The following CMSS1 variants were observed in gnomAD, a reference collection of about 807,000 sequenced individuals.
CMSS1 encodes cms1 ribosomal small subunit homolog.
In CMSS1, 33 loss-of-function variants were observed where a neutral mutation model predicts 43.5. That is an observed-to-expected ratio of 0.76 (90% confidence interval 0.57 to 1.01). The LOEUF (loss-of-function observed/expected upper bound fraction) is 1.01, where lower values mean the gene tolerates loss of function less well. CMSS1 is among the 50% of genes least tolerant of loss of function. CMSS1 has a pLI of 0.00. For synonymous variants in CMSS1, 115 were observed against 117.2 expected (o/e 0.98, Z 0.12); for missense variants, 313 against 326.4 (o/e 0.96, Z 0.32).
chr3:99,971,513 G>A (rs1443467619), intron 1 of CMSS1, among the ~76,000 whole-genome samples: 1 of 152,198 alleles, frequency 6.6e-6, no homozygotes, highest in Admixed American at 6.5e-5. Flanking sequence ...GGTCTCACAG[G>A]AGATGCAGAT....
At chr3:100,158,663 A>G (rs942174408) in intron 2 of CMSS1, among the ~76,000 whole-genome samples, 2 of 152,246 alleles carry the variant, frequency 1.3e-5, no homozygotes, top group African/African-American at 4.8e-5. Flanking sequence ...ATTTGAACCT[A>G]TCATTTAACT....
chr3:100,166,375 T>C lies in CMSS1; in HGVS notation c.396T>C (p.Leu132=). Residue 132 remains leucine, a synonymous_variant, in exon 5 of 10, where the codon CTT becomes CTC. Transcript: ENST00000421999. Reference sequence around the variant, plus strand: ...AGGCCAATGATTTGACTCACAGTCTTTCCTCATACCTAAAAGAAAGTAAGT... The same window carrying C: ...AGGCCAATGATTTGACTCACAGTCTCTCCTCATACCTAAAAGAAAGTAAGT... The part of the protein sequence containing the change: ...FLKANDLTHS[L]SSYLKEICPK... The C allele has an allele frequency of 6.3e-7, 1 of 1,589,806 alleles. No homozygotes were observed. Among genetic ancestry groups the C allele is most frequent in the Non-Finnish European group, 8.6e-7 (1 of 1,158,354 alleles).
intron 1 of CMSS1, among the ~76,000 whole-genome samples, chr3:99,982,178 A>G (rs928012252): frequency 3.9e-5 from 6 of 152,078 alleles, no homozygotes; most frequent in Admixed American, 2.0e-4. Flanking sequence ...GTATTTTAGT[A>G]TATGTTTTTT....
chr3:99,903,506 T>C (rs1706510172), intron 1 of CMSS1, among the ~76,000 whole-genome samples: 1 of 152,116 alleles, frequency 6.6e-6, no homozygotes, highest in Admixed American at 6.5e-5. Flanking sequence ...TGCCTCGGCC[T>C]CCCAAAGTGC....
intron 1 of CMSS1, among the ~76,000 whole-genome samples, chr3:100,107,971 T>A (rs1454352573): frequency 6.6e-6 from 1 of 151,840 alleles, no homozygotes; most frequent in East Asian, 1.9e-4. Flanking sequence ...GTCAAGAAAA[T>A]TTCTGGTTTA....
chr3:99,863,626 T>C (rs2107561989), intron 1 of CMSS1, among the ~76,000 whole-genome samples: 1 of 152,346 alleles, frequency 6.6e-6, no homozygotes, highest in South Asian at 2.1e-4. Flanking sequence ...TTTCAGTCTA[T>C]TTTGTGTACT....
At chr3:100,054,190 G>A (rs1213199287) in intron 1 of CMSS1, among the ~76,000 whole-genome samples, 1 of 152,162 alleles carries the variant, frequency 6.6e-6, no homozygotes, top group Admixed American at 6.5e-5. Context: ...TGTGAAGGAG[G>A]TTCAGAGCAA....
chr3:100,002,574 G>T (rs568938735), intron 1 of CMSS1, among the ~76,000 whole-genome samples: 1 of 152,192 alleles, frequency 6.6e-6, no homozygotes, highest in African/African-American at 2.4e-5. Context: ...CTGATAAAAA[G>T]TAAAGCTGAT....
At chr3:99,849,926 T>C in intron 1 of CMSS1, 1 of 1,612,912 alleles carries the variant, frequency 6.2e-7, no homozygotes, top group Non-Finnish European at 8.5e-7. Flanking sequence ...ATATTAACTC[T>C]TGACAGGAGA....
intron 1 of CMSS1, among the ~76,000 whole-genome samples, chr3:99,824,127 TGACCA>T (rs1942492657): frequency 6.6e-6 from 1 of 152,064 alleles, no homozygotes; most frequent in South Asian, 2.1e-4. Flanking sequence ...TTCACCATGT[TGACCA>T]GGCTGATCTC....
At chr3:99,971,064 G>T (rs183543772) in intron 1 of CMSS1, among the ~76,000 whole-genome samples, 27 of 152,286 alleles carry the variant, frequency 1.8e-4, no homozygotes, top group South Asian at 8.3e-4. Flanking sequence ...GGGGCTGGGC[G>T]TGGTGGCTCA....
chr3:99,884,327 A>G (rs1467552254), intron 1 of CMSS1, among the ~76,000 whole-genome samples: 30 of 152,244 alleles, frequency 2.0e-4, no homozygotes, highest in Non-Finnish European at 1.5e-5. Flanking sequence ...AATAGAAAGT[A>G]CATGGAAAAG....
intron 1 of CMSS1, among the ~76,000 whole-genome samples, chr3:100,047,309 A>C (rs747048433): frequency 2.0e-4 from 31 of 152,244 alleles, no homozygotes; most frequent in Non-Finnish European, 3.8e-4. Context: ...CTTGAAGAAA[A>C]GGTGCTTCCA....
chr3:100,016,837 G>A (rs1034982158), intron 1 of CMSS1, among the ~76,000 whole-genome samples: 3 of 152,210 alleles, frequency 2.0e-5, no homozygotes, highest in African/African-American at 7.2e-5. Context: ...AGGAACAGAT[G>A]CAGATTTCAT....
At chr3:99,877,648 T>C (rs529568506) in intron 1 of CMSS1, among the ~76,000 whole-genome samples, 2 of 152,346 alleles carry the variant, frequency 1.3e-5, no homozygotes, top group South Asian at 4.1e-4. Context: ...GTTGAGTTTG[T>C]AGTTTTGTTG....
intron 1 of CMSS1, among the ~76,000 whole-genome samples, chr3:99,949,732 G>A (rs2107686929): frequency 6.6e-6 from 1 of 152,250 alleles, no homozygotes; most frequent in Non-Finnish European, 1.5e-5. Context: ...ATTTGTAGTG[G>A]TTCTTTTAGC....
chr3:99,831,993 C>T (rs945374372), intron 1 of CMSS1, among the ~76,000 whole-genome samples: 1 of 152,146 alleles, frequency 6.6e-6, no homozygotes, highest in Non-Finnish European at 1.5e-5. Context: ...TGGTGGAGCT[C>T]GTTTCTTTTG....
At chr3:99,978,112 T>C (rs1204971579) in intron 1 of CMSS1, among the ~76,000 whole-genome samples, 1 of 152,216 alleles carries the variant, frequency 6.6e-6, no homozygotes, top group African/African-American at 2.4e-5. Flanking sequence ...GAAAGTATTA[T>C]AAATAAAATT....
intron 1 of CMSS1, among the ~76,000 whole-genome samples, chr3:99,825,753 C>CTTTTTTTCTTTTTTTCTTTTTCTTT (rs1942524161): frequency 6.9e-6 from 1 of 145,328 alleles, no homozygotes; most frequent in African/African-American, 2.5e-5. Flanking sequence ...TGGCACAAAT[C>CTTTTTTTCTTTTTTTCTTTTTCTTT]TTTTTTTCTT....
Sources: allele counts gnomAD v4.1 joint callset (sites outside exome capture counted in the v4.1 genomes callset), GRCh38; gene constraint gnomAD v4.1.1; transcripts MANE v1.5; gene names NCBI Gene and HGNC (gene_info 2026-07-23, HGNC 2026-07-21).